MYO10: variants seen among roughly 807,000 people sequenced by gnomAD.
MYO10 encodes the protein myosin X.
Under a neutral mutation model 257.3 loss-of-function variants are expected in MYO10, and 133 were observed. That is an observed-to-expected ratio of 0.52 (90% CI 0.45 to 0.60). The LOEUF is 0.60. Ranked by LOEUF, MYO10 falls within the 20% of genes least tolerant of loss-of-function variation. The pLI, the probability that MYO10 is intolerant of heterozygous loss-of-function variation, is 0.00. For missense variants in MYO10, 2,399 were observed against 2,635.7 expected (o/e 0.91, Z 1.97); for synonymous variants, 1,104 against 1,028.6 (o/e 1.07, Z -1.40).
Position 16,880,338 on chromosome 5 carries a change from A to C in MYO10, c.22-2631T>G, listed in dbSNP as rs767224696. Among the ~76,000 whole-genome samples, 190 of 151,762 alleles carry C rather than the reference A, an allele frequency of 1.3e-3. 2 individuals are homozygous for C. The highest frequency in any genetic ancestry group is 2.2e-4 in the Non-Finnish European group (15 of 68,002). On this transcript the variant is annotated intron_variant, in intron 1 of 40. Transcript: ENST00000513610. ...GTTCTACAAACATTTCTAAAATCAC[A>C]GTGGCTGGAGATCCCAATATTGAGG...
intron 3 of MYO10, among the ~76,000 whole-genome samples, chr5:16,801,535 T>C (rs918888805): frequency 9.2e-5 from 14 of 152,106 alleles, no homozygotes; most frequent in African/African-American, 3.4e-4. Context: ...TAATGGTACA[T>C]GGCTATATTC....
intron 2 of MYO10, among the ~76,000 whole-genome samples, chr5:16,841,578 T>C (rs975489578): frequency 2.0e-5 from 3 of 152,162 alleles, no homozygotes; most frequent in Non-Finnish European, 4.4e-5. Context: ...TTGAAAACTT[T>C]AAATTTTTCC....
Position 16,670,583 on chromosome 5 carries a change from C to G in MYO10, c.5826G>C (p.Lys1942Asn), listed in dbSNP as rs984346900. 1 of 1,614,020 alleles carries G rather than the reference C, an allele frequency of 6.2e-7. No homozygotes were observed. Among genetic ancestry groups the G allele is most frequent in the Non-Finnish European group, 8.5e-7 (1 of 1,179,880 alleles). Reference protein sequence around the residue: ...QGMNQEQAMAKYMALIKEWPG... With the variant: ...QGMNQEQAMANYMALIKEWPG... Reference sequence around the variant, plus strand: ...GCCACTCCTTGATCAAGGCCATGTACTTGGCCATGGCCTGTTCCTGGTTCA... The same window carrying G: ...GCCACTCCTTGATCAAGGCCATGTAGTTGGCCATGGCCTGTTCCTGGTTCA... The change falls in exon 39 of 41, where the codon AAG becomes AAC. Residue 1942 changes from lysine to asparagine, a missense_variant. Around this residue, in one of 3 missense-constraint regions of MYO10, gnomAD observed 1,820 missense variants for 1,939.4 expected, o/e 0.94. Transcript: ENST00000513610.
At position 16,681,333 on chromosome 5, in the gene MYO10, C is replaced by A. The variant is rs1303290665; in HGVS notation, c.4360G>T (p.Asp1454Tyr). 2 of 1,612,214 alleles carry A rather than the reference C, an allele frequency of 1.2e-6. No homozygotes were observed. The highest frequency in any genetic ancestry group is 2.7e-5 in the African/African-American group (2 of 74,794). The change falls in exon 32 of 41, where the codon GAT becomes TAT. Residue 1454 changes from aspartate to tyrosine, a missense_variant. By Grantham distance (160) the Asp-to-Tyr change is radical. Transcript: ENST00000513610. Reference sequence around the variant, plus strand: ...CCTGTCTCTTTGAATATCTTCTCATCTGGGGGGACGACAGAGCAGAGGCTG... The same window carrying A: ...CCTGTCTCTTTGAATATCTTCTCATATGGGGGGACGACAGAGCAGAGGCTG... ...LNSLCSVVPP[D>Y]EKIFKETGYW...
chr5:16,744,009 A>T (rs1342992648), intron 19 of MYO10, among the ~76,000 whole-genome samples: 3 of 152,282 alleles, frequency 2.0e-5, no homozygotes, highest in East Asian at 3.9e-4. Context: ...AATGTTCTTT[A>T]AAAAAGTCTA....
At chr5:16,841,126 C>T (rs575751665) in intron 2 of MYO10, among the ~76,000 whole-genome samples, 2 of 140,790 alleles carry the variant, frequency 1.4e-5, no homozygotes, top group African/African-American at 2.6e-5. Context: ...GCCTGGGCAA[C>T]AAGAGCGGAA....
chr5:16,797,582 A>G lies in MYO10; in HGVS notation c.280-2749T>C, dbSNP rs967811031. Among the ~76,000 whole-genome samples the G allele has an allele frequency of 2.0e-5, 3 of 152,220 alleles. No individual in the cohort carries two copies. The East Asian group carries it at 5.8e-4, about 29-fold the overall frequency. On this transcript the variant is annotated intron_variant, in intron 3 of 40. Coordinates refer to ENST00000513610, the MANE Select transcript of MYO10 (RefSeq NM_012334.3). Reference sequence around the variant, plus strand: ...AAGGTGGAAACAATGCCAAGGGCCCATCATCAGATGAATGGATGTGGCATA... The same window carrying G: ...AAGGTGGAAACAATGCCAAGGGCCCGTCATCAGATGAATGGATGTGGCATA...
chr5:16,696,855 CAAAAAAAAA>C (rs11284007), intron 26 of MYO10, among the ~76,000 whole-genome samples: 1 of 99,100 alleles, frequency 1.0e-5, no homozygotes, highest in Admixed American at 1.1e-4. Flanking sequence ...GACTCTGTCT[CAAAAAAAAA>C]AAAAAAAAAA....
At chr5:16,795,088 C>CAGGCCCTGCTCCCT (rs1160076242) in intron 3 of MYO10, among the ~76,000 whole-genome samples, 2 of 151,246 alleles carry the variant, frequency 1.3e-5, no homozygotes, top group African/African-American at 2.5e-5. Context: ...CCCTGCTCCC[C>CAGGCCCTGCTCCCT]AGGCCCAGAT....
intron 2 of MYO10, among the ~76,000 whole-genome samples, chr5:16,839,501 T>TG (rs1743407361): frequency 6.6e-6 from 1 of 152,080 alleles, no homozygotes; most frequent in African/African-American, 2.4e-5. Flanking sequence ...TCCAGCACTT[T>TG]GGGGGGCCAA....
intron 19 of MYO10, chr5:16,741,945 C>T (rs1471850777): frequency 9.1e-6 from 9 of 985,218 alleles, no homozygotes; most frequent in African/African-American, 1.7e-5. Flanking sequence ...TTATGTGGTG[C>T]GTCTCGGGCT....
At chr5:16,792,132 C>CACACACACACACACACAGAG (rs755315207) in intron 4 of MYO10, among the ~76,000 whole-genome samples, 428 of 75,234 alleles carry the variant, frequency 5.7e-3, no homozygotes, top group Non-Finnish European at 0.013. Flanking sequence ...CACACACACA[C>CACACACACACACACACAGAG]AGAGAGAGAG....
intron 1 of MYO10, among the ~76,000 whole-genome samples, chr5:16,887,048 G>A (rs1744917693): frequency 6.6e-6 from 1 of 151,848 alleles, no homozygotes; most frequent in South Asian, 2.1e-4. Context: ...TGTAAACTGA[G>A]GCCTGCCTGT....
chr5:16,824,171 T>G (rs1228494978), intron 2 of MYO10, among the ~76,000 whole-genome samples: 1 of 152,108 alleles, frequency 6.6e-6, no homozygotes, highest in Non-Finnish European at 1.5e-5. Flanking sequence ...CTTTTCCAAC[T>G]GAAGGGAAAT....
At chr5:16,703,440 T>C (rs1738179547) in intron 22 of MYO10, among the ~76,000 whole-genome samples, 1 of 152,138 alleles carries the variant, frequency 6.6e-6, no homozygotes, top group African/African-American at 2.4e-5. Context: ...TGGCAGAAAG[T>C]TGGGTAAATA....
intron 19 of MYO10, among the ~76,000 whole-genome samples, chr5:16,733,843 G>A (rs1367949399): frequency 6.6e-6 from 1 of 152,118 alleles, no homozygotes; most frequent in African/African-American, 2.4e-5. Flanking sequence ...GGCAGGGGGC[G>A]CCACGAGTTG....
chr5:16,782,223 T>C (rs553307762), intron 5 of MYO10, among the ~76,000 whole-genome samples: 220 of 152,288 alleles, frequency 1.4e-3, no homozygotes, highest in African/African-American at 5.1e-3. Flanking sequence ...GGGCAACTCA[T>C]TTAATTTCTT....
chr5:16,770,918 G>A (rs113071432), intron 9 of MYO10, among the ~76,000 whole-genome samples: 384 of 152,234 alleles, frequency 2.5e-3, no homozygotes, highest in African/African-American at 8.9e-3. Flanking sequence ...ACAGGCATGC[G>A]CCACCACGCC....
chr5:16,821,984 A>AG (rs1461346104), intron 2 of MYO10, among the ~76,000 whole-genome samples: 1 of 151,094 alleles, frequency 6.6e-6, no homozygotes, highest in East Asian at 1.9e-4. Context: ...GTGTATTTCA[A>AG]AAAAAAAAAA....
Sources: gnomAD v4.1 joint callset for allele counts (sites outside exome capture counted in the v4.1 genomes callset) on GRCh38, gnomAD v4.1.1 for gene constraint, gnomAD v4.1.1 regional missense constraint, MANE v1.5 for transcripts, NCBI Gene and HGNC (gene_info 2026-07-23, HGNC 2026-07-21) for gene names.